ZCWPW2: variants seen among roughly 807,000 people sequenced by gnomAD.
The protein encoded by ZCWPW2 is zinc finger CW-type PWWP domain protein 2.
In ZCWPW2, 45 loss-of-function variants were observed where a neutral mutation model predicts 46.6. That is an observed-to-expected ratio of 0.96 (90% confidence interval 0.76 to 1.24). The LOEUF is 1.24. ZCWPW2 is among the 50% of genes most tolerant of loss of function. The pLI is 0.00. For missense variants in ZCWPW2, 429 were observed against 403.9 expected (o/e 1.06, Z -0.53); for synonymous variants, 152 against 137.1 (o/e 1.11, Z -0.76).
intron 3 of ZCWPW2, among the ~76,000 whole-genome samples, chr3:28,414,754 A>G (rs1039667131): frequency 3.0e-5 from 2 of 67,794 alleles, no homozygotes; most frequent in Admixed American, 3.6e-4. Flanking sequence ...GATGGTTTCC[A>G]GCTTCATCCA....
In ZCWPW2 at chr3:28,436,062, T is replaced by A. The variant is rs1309672154; in HGVS notation, c.492+793T>A. Among the ~76,000 whole-genome samples the A allele has an allele frequency of 2.6e-5, 4 of 152,176 alleles. No homozygotes were observed. The East Asian group carries it at 7.7e-4, about 29-fold the overall frequency. The stretch of plus-strand genomic sequence containing the variant: ...CTCACATTATAATTAATAGATAGAT[T>A]ATTAGATTAGTGTAAAAGTAACTGC... On this transcript the variant is annotated intron_variant, in intron 4 of 9. Coordinates refer to ENST00000383768, the MANE Select transcript of ZCWPW2 (RefSeq NM_001040432.4).
At chr3:28,363,527 C>T (rs140546341) in intron 1 of ZCWPW2, among the ~76,000 whole-genome samples, 94 of 152,230 alleles carry the variant, frequency 6.2e-4, no homozygotes, top group African/African-American at 2.1e-3. Flanking sequence ...CCTAGAAGCA[C>T]AGCCCCACTC....
intron 2 of ZCWPW2, among the ~76,000 whole-genome samples, chr3:28,401,799 TTAAA>T (rs1432831775): frequency 6.6e-6 from 1 of 151,922 alleles, no homozygotes; most frequent in African/African-American, 2.4e-5. Flanking sequence ...TACATGGAAA[TTAAA>T]TAACCTGCTC....
rs552707730 is a variant in ZCWPW2, at chr3:28,496,242, C to A, written c.657+4069C>A. Among the ~76,000 whole-genome samples the A allele has an allele frequency of 3.9e-5, 6 of 151,912 alleles. No individual in the cohort carries two copies. The South Asian group carries it at 6.3e-4, about 16-fold the overall frequency. On this transcript the variant is annotated intron_variant, in intron 6 of 9. Coordinates refer to ENST00000383768, the MANE Select transcript of ZCWPW2 (RefSeq NM_001040432.4). ...ATATGTAACAGGAAATTTGAGATGG[C>A]TTTTGTCTTAAAACTAAATATTACT...
chr3:28,455,792 T>G (rs2125783850), intron 4 of ZCWPW2, among the ~76,000 whole-genome samples: 1 of 152,232 alleles, frequency 6.6e-6, no homozygotes, highest in Admixed American at 6.5e-5. Flanking sequence ...ATCAGATAAC[T>G]TAGATGTGGG....
chr3:28,352,162 ACACAC>A (rs1402234743), intron 1 of ZCWPW2, among the ~76,000 whole-genome samples: 117 of 147,726 alleles, frequency 7.9e-4, no homozygotes, highest in African/African-American at 2.7e-3. Flanking sequence ...ACACACACAC[ACACAC>A]GAGAGAGAAT....
intron 4 of ZCWPW2, among the ~76,000 whole-genome samples, chr3:28,465,712 T>C (rs557334985): frequency 1.3e-5 from 2 of 152,148 alleles, no homozygotes; most frequent in African/African-American, 4.8e-5. Context: ...TACATTATTG[T>C]AGACAATTAT....
chr3:28,391,748 G>A (rs1181318949), intron 2 of ZCWPW2, among the ~76,000 whole-genome samples: 4 of 152,048 alleles, frequency 2.6e-5, no homozygotes, highest in Non-Finnish European at 5.9e-5. Flanking sequence ...CAATAACATT[G>A]CCACTGCAGA....
chr3:28,448,917 C>T (rs1436787630), intron 4 of ZCWPW2, among the ~76,000 whole-genome samples: 2 of 148,196 alleles, frequency 1.3e-5, no homozygotes, highest in Non-Finnish European at 3.0e-5. Flanking sequence ...AATAGCAAAA[C>T]CCATCCTAAA....
chr3:28,384,584 T>G (rs994860048), intron 1 of ZCWPW2, among the ~76,000 whole-genome samples: 3 of 151,934 alleles, frequency 2.0e-5, no homozygotes, highest in African/African-American at 7.2e-5. Context: ...GATTTAATCT[T>G]GACACATTCA....
intron 1 of ZCWPW2, among the ~76,000 whole-genome samples, chr3:28,365,232 T>C (rs1428301593): frequency 6.9e-6 from 1 of 145,800 alleles, no homozygotes; most frequent in Non-Finnish European, 1.5e-5. Flanking sequence ...CATGCTTATG[T>C]CCTGAATGGT....
At chr3:28,369,119 T>C (rs1302558668) in intron 1 of ZCWPW2, among the ~76,000 whole-genome samples, 1 of 152,176 alleles carries the variant, frequency 6.6e-6, no homozygotes, top group East Asian at 1.9e-4. Flanking sequence ...CTCCTTTAGC[T>C]CGGAGTAGTT....
chr3:28,520,951 T>A (rs578233417), intron 8 of ZCWPW2, 41 bp from the exon 9 acceptor site: 1 of 1,607,320 alleles, frequency 6.2e-7, no homozygotes, highest in Non-Finnish European at 8.5e-7. Context: ...TTGAATTAAG[T>A]GAGATGTAGC....
intron 1 of ZCWPW2, among the ~76,000 whole-genome samples, chr3:28,360,260 CT>C (rs1164878302): frequency 6.7e-6 from 1 of 148,230 alleles, no homozygotes; most frequent in Non-Finnish European, 1.5e-5. Flanking sequence ...AATTCCAGCA[CT>C]TTGGGAGGCA....
intron 6 of ZCWPW2, among the ~76,000 whole-genome samples, chr3:28,495,658 A>AT (rs1421895568): frequency 6.6e-6 from 1 of 151,910 alleles, no homozygotes; most frequent in East Asian, 1.9e-4. Context: ...TGGAGCTTGT[A>AT]TTTTTTAATA....
At chr3:28,497,351 C>G (rs1042858282) in intron 6 of ZCWPW2, among the ~76,000 whole-genome samples, 1 of 151,528 alleles carries the variant, frequency 6.6e-6, no homozygotes, top group Non-Finnish European at 1.5e-5. Flanking sequence ...TTTAGATTAA[C>G]AAATATAGAC....
intron 3 of ZCWPW2, among the ~76,000 whole-genome samples, chr3:28,424,649 C>T (rs1206960004): frequency 6.6e-6 from 1 of 152,148 alleles, no homozygotes; most frequent in Non-Finnish European, 1.5e-5. Flanking sequence ...AAATAAATCT[C>T]TATTGTTTAA....
rs574189649 is a variant in ZCWPW2 at position 28,495,425 on chromosome 3, T to C, written c.657+3252T>C. ...AAATGATATTTAGAATCAAAGACTA[T>C]AAAGATAGTAACTAGTGTTTCTATA... is the stretch of plus-strand genomic sequence containing the variant. On this transcript the variant is annotated intron_variant, in intron 6 of 9. Transcript: ENST00000383768. Among the ~76,000 whole-genome samples the C allele has an allele frequency of 2.4e-4, 36 of 152,222 alleles. 1 individual carries two copies. Among genetic ancestry groups the C allele is most frequent in the Middle Eastern group, 3.4e-3 (1 of 294 alleles).
At position 28,373,369 on chromosome 3, in the gene ZCWPW2, T is replaced by C. The variant is rs1202086929; in HGVS notation, c.-133-17129T>C. On this transcript the variant is annotated intron_variant, in intron 1 of 9. Coordinates refer to ENST00000383768, the MANE Select transcript of ZCWPW2 (RefSeq NM_001040432.4). Reference sequence around the variant, plus strand: ...CCATTTTTACTGGGGTGGGATGATATCTTATTGTGGTTTTGATTTGCATTT... The same window carrying C: ...CCATTTTTACTGGGGTGGGATGATACCTTATTGTGGTTTTGATTTGCATTT... Among the ~76,000 whole-genome samples the C allele has an allele frequency of 2.0e-5, 3 of 152,176 alleles. No homozygotes were observed. The South Asian group carries it at 6.2e-4, about 31-fold the overall frequency.
Sources: allele counts gnomAD v4.1 joint callset (sites outside exome capture counted in the v4.1 genomes callset), GRCh38; gene constraint gnomAD v4.1.1; transcripts MANE v1.5; gene names NCBI Gene and HGNC (gene_info 2026-07-23, HGNC 2026-07-21).